The following CCDC85A variants were observed in gnomAD, a reference collection of about 807,000 sequenced individuals.
The protein encoded by CCDC85A is coiled-coil domain containing 85A.
A neutral mutation model predicts 50.2 loss-of-function variants in CCDC85A; 38 were observed. The observed-to-expected ratio is 0.76, with a 90% CI of 0.58 to 0.99. The LOEUF is 0.99. Among genes scored for constraint, CCDC85A ranks in the 50% least tolerant of loss-of-function variants. The pLI, the probability that CCDC85A is intolerant of heterozygous loss-of-function variation, is 0.00. For missense variants in CCDC85A, 820 were observed against 742.0 expected (o/e 1.11, Z -1.22); for synonymous variants, 366 against 301.4 (o/e 1.21, Z -2.22).
intron 2 of CCDC85A, among the ~76,000 whole-genome samples, chr2:56,251,353 T>A (rs1573102466): frequency 6.6e-6 from 1 of 152,132 alleles, no homozygotes; most frequent in Non-Finnish European, 1.5e-5. Context: ...CCCATATGAG[T>A]GGAAAATAAG....
At chr2:56,348,799 C>T (rs1402332155) in intron 3 of CCDC85A, among the ~76,000 whole-genome samples, 4 of 152,180 alleles carry the variant, frequency 2.6e-5, no homozygotes, top group East Asian at 1.9e-4. Context: ...CATTATTCCC[C>T]TTATGTGCGT....
Position 56,192,961 on chromosome 2 carries a change from C to T in CCDC85A, c.761C>T (p.Ala254Val), listed in dbSNP as rs373611034. 44 of 1,612,240 alleles carry T rather than the reference C, an allele frequency of 2.7e-5. No homozygotes were observed. The highest frequency in any genetic ancestry group is 3.6e-5 in the Non-Finnish European group (43 of 1,179,456). Residue 254 changes from alanine to valine, a missense_variant, in exon 2 of 6, where the codon GCC (alanine) becomes GTC (valine). By Grantham distance (64) the Ala-to-Val change is moderately conservative. Transcript: ENST00000407595. The surrounding 1 kb of genome is among the most constrained non-coding windows in gnomAD (Gnocchi z 4.7). ...CCGGAGCACTCCAAGCACAGGAGCG[C>T]CAGCCCCGAGCATCCACAGAAACCC... ...GSPEHSKHRSASPEHPQKPRA... is the reference protein window; with the variant it reads ...GSPEHSKHRSVSPEHPQKPRA...
At chr2:56,372,223 T>TA (rs1250373314) in intron 3 of CCDC85A, 121 bp from the exon 4 acceptor site, 3 of 979,734 alleles carry the variant, frequency 3.1e-6, no homozygotes, top group Non-Finnish European at 2.8e-6. Flanking sequence ...AGGTGCATGT[T>TA]ACAGCTTGCC....
At chr2:56,359,926 A>G (rs1258302420) in intron 3 of CCDC85A, among the ~76,000 whole-genome samples, 5 of 152,194 alleles carry the variant, frequency 3.3e-5, no homozygotes, top group Non-Finnish European at 7.3e-5. Flanking sequence ...TCGGAAGGAC[A>G]GAGGAGAACA....
intron 2 of CCDC85A, among the ~76,000 whole-genome samples, chr2:56,263,311 C>T (rs1670297637): frequency 6.6e-6 from 1 of 152,192 alleles, no homozygotes; most frequent in Admixed American, 6.5e-5. Flanking sequence ...AGTAATAAAA[C>T]TTGATTAAGA....
intron 2 of CCDC85A, among the ~76,000 whole-genome samples, chr2:56,249,190 G>A (rs1274307178): frequency 6.6e-6 from 1 of 152,236 alleles, no homozygotes; most frequent in African/African-American, 2.4e-5. Flanking sequence ...CAGAGCTGCT[G>A]GAACAAGGGG....
chr2:56,190,674 A>T (rs1313107218), intron 1 of CCDC85A, among the ~76,000 whole-genome samples: 1 of 152,044 alleles, frequency 6.6e-6, no homozygotes, highest in Non-Finnish European at 1.5e-5. Flanking sequence ...CCCTTTGAGG[A>T]CCTGAAACAC....
intron 3 of CCDC85A, among the ~76,000 whole-genome samples, chr2:56,370,909 A>G (rs13015390): frequency 6.6e-6 from 1 of 152,042 alleles, no homozygotes; most frequent in Non-Finnish European, 1.5e-5. Context: ...CAGATACTAG[A>G]TCTCCTTATT....
At chr2:56,238,115 GA>G (rs1669101644) in intron 2 of CCDC85A, among the ~76,000 whole-genome samples, 1 of 152,108 alleles carries the variant, frequency 6.6e-6, no homozygotes, top group Admixed American at 6.6e-5. Context: ...CATACTGCCA[GA>G]CGGTAGCAGG....
intron 2 of CCDC85A, among the ~76,000 whole-genome samples, chr2:56,308,545 C>G (rs1672545286): frequency 6.6e-6 from 1 of 152,174 alleles, no homozygotes; most frequent in Non-Finnish European, 1.5e-5. Flanking sequence ...ACAACAACAA[C>G]AACACAATTT....
At chr2:56,227,189 ATTTC>A (rs934545652) in intron 2 of CCDC85A, among the ~76,000 whole-genome samples, 39 of 152,142 alleles carry the variant, frequency 2.6e-4, no homozygotes, top group African/African-American at 8.9e-4. Flanking sequence ...TATGAGTTCT[ATTTC>A]TTTACATTCT....
At chr2:56,314,604 A>T (rs1051945168) in intron 2 of CCDC85A, among the ~76,000 whole-genome samples, 5 of 151,908 alleles carry the variant, frequency 3.3e-5, no homozygotes, top group African/African-American at 1.2e-4. Context: ...AGCAATTCTG[A>T]AACTGATTGA....
chr2:56,256,086 A>G (rs962117009), intron 2 of CCDC85A, among the ~76,000 whole-genome samples: 1 of 152,216 alleles, frequency 6.6e-6, no homozygotes, highest in African/African-American at 2.4e-5. Flanking sequence ...AATAAATTGC[A>G]TGGCAGGACT....
chr2:56,231,553 T>G (rs1668773014), intron 2 of CCDC85A, among the ~76,000 whole-genome samples: 1 of 152,180 alleles, frequency 6.6e-6, no homozygotes, highest in African/African-American at 2.4e-5. Context: ...TCATGACTCT[T>G]GGCTTCAATC....
intron 2 of CCDC85A, among the ~76,000 whole-genome samples, chr2:56,333,471 G>T (rs1673914751): frequency 6.6e-6 from 1 of 152,160 alleles, no homozygotes; most frequent in Non-Finnish European, 1.5e-5. Flanking sequence ...ATCACACAGG[G>T]CCCTGATGGA....
chr2:56,271,738 T>C (rs914880895), intron 2 of CCDC85A, among the ~76,000 whole-genome samples: 13 of 152,192 alleles, frequency 8.5e-5, no homozygotes, highest in East Asian at 1.9e-4. Flanking sequence ...TCATTTCCTC[T>C]GTTTTTGAGC....
At chr2:56,247,813 C>T (rs1671786331) in intron 2 of CCDC85A, among the ~76,000 whole-genome samples, 1 of 152,112 alleles carries the variant, frequency 6.6e-6, no homozygotes, top group Non-Finnish European at 1.5e-5. Flanking sequence ...TCCTTTAGAT[C>T]ACAGGACAAA....
At chr2:56,312,493 C>A (rs1672741143) in intron 2 of CCDC85A, among the ~76,000 whole-genome samples, 1 of 151,916 alleles carries the variant, frequency 6.6e-6, no homozygotes, top group Non-Finnish European at 1.5e-5. Context: ...CAGTATGTAC[C>A]ATGTATGCTG....
intron 2 of CCDC85A, among the ~76,000 whole-genome samples, chr2:56,265,677 C>T (rs756129025): frequency 1.3e-5 from 2 of 152,082 alleles, no homozygotes; most frequent in Admixed American, 6.6e-5. Flanking sequence ...GAAAAGAAAG[C>T]CTTGCACACG....
Sources: gnomAD v4.1 joint callset for allele counts (sites outside exome capture counted in the v4.1 genomes callset) on GRCh38, gnomAD v4.1.1 for gene constraint, Gnocchi (gnomAD v3.1) non-coding constraint, MANE v1.5 for transcripts, NCBI Gene and HGNC (gene_info 2026-07-23, HGNC 2026-07-21) for gene names.